DEF6: variants seen among roughly 807,000 people sequenced by gnomAD.
DEF6 encodes the protein DEF6 guanine nucleotide exchange factor.
In DEF6, 32 loss-of-function variants were observed where a neutral mutation model predicts 80.5. That is an observed-to-expected ratio of 0.40 (90% CI 0.30 to 0.53). DEF6 has a LOEUF of 0.53. Ranked by LOEUF, DEF6 falls within the 20% of genes least tolerant of loss-of-function variation. DEF6 has a pLI of 0.57. For missense variants in DEF6, 575 were observed against 818.7 expected (o/e 0.70, Z 3.63); for synonymous variants, 300 against 337.9 (o/e 0.89, Z 1.23).
intron 1 of DEF6, among the ~76,000 whole-genome samples, chr6:35,303,904 G>A (rs961061431): frequency 3.3e-5 from 5 of 152,144 alleles, no homozygotes; most frequent in Non-Finnish European, 5.9e-5. Flanking sequence ...AGGCCGAGGC[G>A]GGTGGATCAC....
chr6:35,318,197 A>G lies in DEF6; in HGVS notation c.941A>G (p.Gln314Arg). Reference protein sequence around the residue: ...TAAIQMAIRLQAEGKTSLHKD... With the variant: ...TAAIQMAIRLRAEGKTSLHKD... ...GCCATCCAGATGGCGATCCGGCTGC[A>G]GGCCGAGGGGAAGACGTCCCTACAC... The change falls in exon 7 of 11, where the codon CAG (glutamine) becomes CGG (arginine). Residue 314 changes from glutamine to arginine, a missense_variant. By Grantham distance (43) the Gln-to-Arg change is conservative. Transcript: ENST00000316637. The surrounding 1 kb of genome is among the most constrained non-coding windows in gnomAD (Gnocchi z 5.1). 6.3e-7 allele frequency: 1 copy of G among 1,575,326 alleles called. No individual in the cohort carries two copies. The highest frequency in any genetic ancestry group is 8.6e-7 in the Non-Finnish European group (1 of 1,162,282).
intron 5 of DEF6, chr6:35,313,262 A>C: frequency 4.8e-6 from 2 of 414,312 alleles, no homozygotes; most frequent in South Asian, 3.5e-5. Flanking sequence ...TGTGTGTGTA[A>C]CATGAAACTT....
chr6:35,318,767 T>A lies in DEF6; in HGVS notation c.1215+296T>A, dbSNP rs1441946278. Among the ~76,000 whole-genome samples the A allele has an allele frequency of 6.6e-6, 1 of 152,108 alleles. No individual in the cohort carries two copies. The highest frequency in any genetic ancestry group is 1.5e-5 in the Non-Finnish European group (1 of 68,012). ...GAGACCTTGGCTGTGGGTTGGGGCT[T>A]GGGCAGAAGGAGCCGTTGAAGACCG... On this transcript the variant is annotated intron_variant, in intron 7 of 10. Coordinates refer to ENST00000316637, the MANE Select transcript of DEF6 (RefSeq NM_022047.4). The surrounding 1 kb of genome is among the most constrained non-coding windows in gnomAD (Gnocchi z 5.1).
Position 35,321,174 on chromosome 6 carries a change from TTC to T in DEF6, c.1673-7_1673-6del, listed in dbSNP as rs772317092. The T allele has an allele frequency of 6.2e-7, 1 of 1,611,228 alleles. No individual in the cohort carries two copies. The highest frequency in any genetic ancestry group is 8.5e-7 in the Non-Finnish European group (1 of 1,179,448). On this transcript the variant is annotated splice_polypyrimidine_tract_variant and intron_variant, in intron 10 of 10. Transcript: ENST00000316637. Reference sequence around the variant, plus strand: ...ATGCCTTTCTCCTTACTTGCCTGCCTTCTCTCTGCCAGATAAGCGTCCGGTCA... The same window carrying T: ...ATGCCTTTCTCCTTACTTGCCTGCCTTCTCTGCCAGATAAGCGTCCGGTCA...
chr6:35,321,342 G>A lies in DEF6; in HGVS notation c.1828G>A (p.Gly610Arg), dbSNP rs767414869. ...SNEQQKSLNG[G>R]DEAPAPASTP... ...TGAGCAGCAGAAGTCCCTCAATGGT[G>A]GGGATGAGGCTCCTGCCCCGGCTTC... Residue 610 changes from glycine (G) to arginine (R), a missense_variant, in exon 11 of 11, where the codon GGG (glycine) becomes AGG (arginine). Coordinates refer to ENST00000316637, the MANE Select transcript of DEF6 (RefSeq NM_022047.4). 16 of 1,614,150 alleles carry A rather than the reference G, an allele frequency of 9.9e-6. No individual in the cohort carries two copies. The highest frequency in any genetic ancestry group is 4.5e-5 in the East Asian group (2 of 44,868).
Position 35,319,465 on chromosome 6 carries a change from T to G in DEF6, c.1216-59T>G. 8.0e-6 allele frequency: 7 copies of G among 870,360 alleles called. No individual in the cohort carries two copies. The highest frequency in any genetic ancestry group is 2.0e-5 in the African/African-American group (1 of 50,310). The allele number at this position is 870,360 out of a possible 1,614,324, so 53.9% of individuals were successfully genotyped here. A position where few individuals can be genotyped will look rare whatever the true frequency, so the allele number is the denominator to read the frequency against. ...TAGCAACATGCCCACCCCCTCCTCC[T>G]CCGCCCCCACGTGCCCCTTTTGACC... On this transcript the variant is annotated intron_variant, in intron 7 of 10. Transcript: ENST00000316637. This position sits in a 1 kb window ranked among gnomAD's most constrained non-coding sequence, Gnocchi z 4.5.
chr6:35,311,189 C>G (rs1791461060), intron 3 of DEF6, among the ~76,000 whole-genome samples: 1 of 152,134 alleles, frequency 6.6e-6, no homozygotes, highest in African/African-American at 2.4e-5. Flanking sequence ...TCTCCTTACT[C>G]CTGGGTGAAG....
rs1036081298 is a variant in DEF6, at chr6:35,319,148, T to C, written c.1216-376T>C. ...ATTGTAGTTATAGTCACATCCTTCC[T>C]AGCATCAGCCATGATTATAACATAT... is the stretch of plus-strand genomic sequence containing the variant. On this transcript the variant is annotated intron_variant, in intron 7 of 10. Transcript: ENST00000316637. The surrounding 1 kb of genome is among the most constrained non-coding windows in gnomAD (Gnocchi z 4.5). Among the ~76,000 whole-genome samples the C allele has an allele frequency of 2.6e-5, 4 of 152,030 alleles. No individual in the cohort carries two copies. Among genetic ancestry groups the C allele is most frequent in the African/African-American group, 9.7e-5 (4 of 41,386 alleles).
Position 35,310,451 on chromosome 6 carries a change from G to T in DEF6, c.238-8G>T, listed in dbSNP as rs758939860. The T allele has an allele frequency of 5.6e-6, 9 of 1,612,734 alleles. No homozygotes were observed. Among genetic ancestry groups the T allele is most frequent in the Non-Finnish European group, 5.1e-6 (6 of 1,179,976 alleles). ...ATGCAGTCAGCTGATTTGCAGCCCTGGTGGCAGGTGGAGGAGGGGGCTTTT... is the reference window on the plus strand; with the variant it reads ...ATGCAGTCAGCTGATTTGCAGCCCTTGTGGCAGGTGGAGGAGGGGGCTTTT... On this transcript the variant is annotated splice_region_variant and splice_polypyrimidine_tract_variant and intron_variant, in intron 2 of 10. Coordinates refer to ENST00000316637, the MANE Select transcript of DEF6 (RefSeq NM_022047.4).
chr6:35,309,057 C>T (rs1791429968), intron 1 of DEF6, among the ~76,000 whole-genome samples: 1 of 152,206 alleles, frequency 6.6e-6, no homozygotes, highest in African/African-American at 2.4e-5. Context: ...TGAGCCCTCT[C>T]CTCTCCCAGA....
chr6:35,299,769 C>T (rs1791289430), intron 1 of DEF6, among the ~76,000 whole-genome samples: 1 of 151,888 alleles, frequency 6.6e-6, no homozygotes. Flanking sequence ...CCTGGGCTAA[C>T]AGTGGGAGTC....
rs199971691 is a variant in DEF6 at position 35,297,979 on chromosome 6, G to A, written c.96+27G>A. On this transcript the variant is annotated intron_variant, in intron 1 of 10. Transcript: ENST00000316637. ...TGAGGGGCACCCGGGACCCGGGGGA[G>A]GACGGCAGATGCACCACACCAGCCC... The A allele has an allele frequency of 9.6e-6, 15 of 1,561,836 alleles. No homozygotes were observed. The African/African-American group carries it at 1.8e-4, about 18-fold the overall frequency.
At chr6:35,311,019 A>T (rs10755687) in intron 3 of DEF6, among the ~76,000 whole-genome samples, 3 of 152,006 alleles carry the variant, frequency 2.0e-5, no homozygotes, top group African/African-American at 7.3e-5. Context: ...CAGGACAGGA[A>T]GGATGCTTTA....
intron 1 of DEF6, among the ~76,000 whole-genome samples, chr6:35,300,213 G>A (rs1365316399): frequency 6.6e-6 from 1 of 152,064 alleles, no homozygotes; most frequent in Non-Finnish European, 1.5e-5. Flanking sequence ...ATTTTTTAGA[G>A]CCTGAGTCTC....
rs550560801 is a variant in DEF6, at chr6:35,297,830, G to A, written c.-27G>A. The A allele has an allele frequency of 4.7e-5, 73 of 1,564,590 alleles. No individual in the cohort carries two copies. The South Asian group carries it at 6.9e-4, about 15-fold the overall frequency. On this transcript the variant is annotated 5_prime_UTR_variant, in exon 1 of 11. Coordinates refer to ENST00000316637, the MANE Select transcript of DEF6 (RefSeq NM_022047.4). Reference sequence around the variant, plus strand: ...GAAACCGGATCTTAGTGTCAGAGCCGCCCCCAGCCGGGCGGGCGCCTCAGC... The same window carrying A: ...GAAACCGGATCTTAGTGTCAGAGCCACCCCCAGCCGGGCGGGCGCCTCAGC...
chr6:35,305,509 A>G (rs1220869901), intron 1 of DEF6, among the ~76,000 whole-genome samples: 1 of 152,088 alleles, frequency 6.6e-6, no homozygotes, highest in African/African-American at 2.4e-5. Flanking sequence ...AAACAAAAAT[A>G]AAAATGAATT....
At chr6:35,317,388 G>C (rs920839323) in intron 5 of DEF6, among the ~76,000 whole-genome samples, 2 of 152,212 alleles carry the variant, frequency 1.3e-5, no homozygotes, top group African/African-American at 2.4e-5. Context: ...ACAGACTCTA[G>C]AATGTGGTAG....
Position 35,318,770 on chromosome 6 carries a change from G to C in DEF6, c.1215+299G>C, listed in dbSNP as rs1791553715. 1.3e-5 allele frequency among the ~76,000 whole-genome samples: 2 copies of C among 152,182 alleles called. No individual in the cohort carries two copies. The highest frequency in any genetic ancestry group is 1.3e-4 in the Admixed American group (2 of 15,286). Reference sequence around the variant, plus strand: ...ACCTTGGCTGTGGGTTGGGGCTTGGGCAGAAGGAGCCGTTGAAGACCGTGT... The same window carrying C: ...ACCTTGGCTGTGGGTTGGGGCTTGGCCAGAAGGAGCCGTTGAAGACCGTGT... On this transcript the variant is annotated intron_variant, in intron 7 of 10. Transcript: ENST00000316637. The surrounding 1 kb of genome is among the most constrained non-coding windows in gnomAD (Gnocchi z 5.1).
At chr6:35,299,562 C>A (rs1435969941) in intron 1 of DEF6, among the ~76,000 whole-genome samples, 3 of 152,182 alleles carry the variant, frequency 2.0e-5, no homozygotes, top group Non-Finnish European at 4.4e-5. Flanking sequence ...TCTAAAAGGG[C>A]CACTACCCAC....
Sources: gnomAD v4.1 joint callset for allele counts (sites outside exome capture counted in the v4.1 genomes callset) on GRCh38, gnomAD v4.1.1 for gene constraint, Gnocchi (gnomAD v3.1) non-coding constraint, MANE v1.5 for transcripts, NCBI Gene and HGNC (gene_info 2026-07-23, HGNC 2026-07-21) for gene names.